MYH4: variants seen among roughly 807,000 people sequenced by gnomAD.
MYH4 encodes the protein myosin-4.
Under a neutral mutation model 229.9 loss-of-function variants are expected in MYH4, and 200 were observed. The ratio of observed to expected loss-of-function variants is 0.87; its 90% CI spans 0.78 to 0.98. MYH4 has a LOEUF of 0.98. Among genes scored for constraint, MYH4 ranks in the 50% least tolerant of loss-of-function variants. The pLI is 0.00. For missense variants in MYH4, 2,148 were observed against 2,332.6 expected, an observed-to-expected ratio of 0.92 and a Z score of 1.63; for synonymous variants, 761 against 834.6, an observed-to-expected ratio of 0.91 and a Z score of 1.52.
chr17:10,461,048 C>T lies in MYH4; in HGVS notation c.1015G>A (p.Val339Met). Residue 339 changes from valine (V) to methionine (M), a missense_variant, in exon 12 of 40, where the codon GTG becomes ATG. Physicochemically the swap from Val to Met is conservative, Grantham distance 21 (BLOSUM62 1). Transcript: ENST00000255381. ...QEELMATDSA[V>M]DILGFTADEK... ...TCAGCAGTGAAACCCAGGATGTCCA[C>T]AGCACTCTGTCAAAAGAGTTGAATT... 26 of 1,614,062 alleles carry T rather than the reference C, an allele frequency of 1.6e-5. No homozygotes were observed. The highest frequency in any genetic ancestry group is 2.2e-5 in the Non-Finnish European group (26 of 1,179,958).
chr17:10,456,080 T>C (rs2072635612), intron 17 of MYH4, among the ~76,000 whole-genome samples, 179 bp from the exon 18 acceptor site: 2 of 152,152 alleles, frequency 1.3e-5, no homozygotes, highest in African/African-American at 4.8e-5. Context: ...TTACACAAAA[T>C]CAGTTAATTT....
In MYH4 at chr17:10,448,491, C is replaced by A; in HGVS notation, c.4561G>T (p.Ala1521Ser). Residue 1521 changes from alanine to serine, a missense_variant, in exon 33 of 40, where the codon GCA becomes TCA. Coordinates refer to ENST00000255381, the MANE Select transcript of MYH4 (RefSeq NM_017533.2). ...TCATGGATATGCTTTCCACCCTCTG[C>A]AATTTGCTCTGTCAGGTCAGAAATC... ...QEISDLTEQI[A>S]EGGKHIHELE... is the part of the protein sequence containing the mutation. The A allele has an allele frequency of 6.2e-7, 1 of 1,613,972 alleles. No individual in the cohort carries two copies. The highest frequency in any genetic ancestry group is 1.1e-5 in the South Asian group (1 of 91,040).
chr17:10,450,896 C>A lies in MYH4; in HGVS notation c.3866-1G>T. The A allele has an allele frequency of 6.2e-7, 1 of 1,604,286 alleles. No individual in the cohort carries two copies. The highest frequency in any genetic ancestry group is 8.5e-7 in the Non-Finnish European group (1 of 1,171,368). On this transcript the variant is annotated splice_acceptor_variant, in intron 28 of 39. Transcript: ENST00000255381. LOFTEE classifies it high-confidence loss of function. ...TCATCTAGCTGTCGTGAAAACTCAC[C>A]TGTGGAAGACAAAACATCAATGATT... is the stretch of plus-strand genomic sequence containing the variant.
chr17:10,450,684 T>C, intron 29 of MYH4, 35 bp from the exon 30 acceptor site: 2 of 1,612,074 alleles, frequency 1.2e-6, no homozygotes, highest in Non-Finnish European at 1.7e-6. Flanking sequence ...TATAAGTTTA[T>C]CTTCTGATCA....
At chr17:10,459,533 C>A (rs953462198) in intron 14 of MYH4, 112 bp from the exon 15 acceptor site, 16 of 1,541,882 alleles carry the variant, frequency 1.0e-5, no homozygotes, top group African/African-American at 2.8e-5. Flanking sequence ...AAATTATAAA[C>A]CTTCAGATTG....
Position 10,449,004 on chromosome 17 carries a change from C to T in MYH4, c.4225G>A (p.Glu1409Lys), listed in dbSNP as rs747413354. 182 of 1,614,040 alleles carry T rather than the reference C, an allele frequency of 1.1e-4. No individual in the cohort carries two copies. The highest frequency in any genetic ancestry group is 1.4e-4 in the Non-Finnish European group (171 of 1,180,026). ...QRLQDAEEHVEAVNSKCASLE... is the reference protein window; with the variant it reads ...QRLQDAEEHVKAVNSKCASLE... The stretch of plus-strand genomic sequence containing the variant: ...GAAGCACATTTGGAATTCACAGCTT[C>T]TACATGTTCTTCTGCATCCTGCAGA... The change falls in exon 31 of 40, where the codon GAA becomes AAA. Residue 1409 changes from glutamate to lysine, a missense_variant. Transcript: ENST00000255381.
chr17:10,447,971 T>G lies in MYH4; in HGVS notation c.4812A>C (p.Thr1604=). 4 of 1,614,068 alleles carry G rather than the reference T, an allele frequency of 2.5e-6. No homozygotes were observed. Among genetic ancestry groups the G allele is most frequent in the Non-Finnish European group, 3.4e-6 (4 of 1,179,992 alleles). ...HLRVVESMQS[T]LDAEIRSRND... ...TTCTGCTCCTGATCTCAGCATCCAG[T>G]GTACTCTGCATTGACTCCACAACTC... The change falls in exon 34 of 40, where the codon ACA becomes ACC. Residue 1604 remains threonine, a synonymous_variant. Transcript: ENST00000255381.
chr17:10,459,898 A>G, intron 14 of MYH4, 54 bp downstream of exon 14: 2 of 1,611,816 alleles, frequency 1.2e-6, no homozygotes, highest in Non-Finnish European at 1.7e-6. Context: ...GTGATTTTGT[A>G]TGCTCTAACA....
chr17:10,450,842 G>C lies in MYH4; in HGVS notation c.3919C>G (p.Arg1307Gly). ...EKDAMVSQLS[R>G]GKQAFTQQIE... ...TGTTGTGTAAATGCTTGTTTGCCTC[G>C]GGATAGCTGAGAAACCATAGCATCT... The change falls in exon 29 of 40, where the codon CGA (arginine) becomes GGA (glycine). Residue 1307 changes from arginine to glycine, a missense_variant. Transcript: ENST00000255381. 1.2e-6 allele frequency: 2 copies of C among 1,614,034 alleles called. No homozygotes were observed. The highest frequency in any genetic ancestry group is 1.7e-6 in the Non-Finnish European group (2 of 1,179,996).
At chr17:10,445,452 T>C in intron 35 of MYH4, 90 bp from the exon 36 acceptor site, 1 of 1,504,320 alleles carries the variant, frequency 6.6e-7, no homozygotes, top group Non-Finnish European at 9.0e-7. Context: ...GCAAAAATTA[T>C]TGATCATAAG....
At chr17:10,467,916 A>T (rs2072784748) in intron 2 of MYH4, among the ~76,000 whole-genome samples, 1 of 152,264 alleles carries the variant, frequency 6.6e-6, no homozygotes, top group Non-Finnish European at 1.5e-5. Context: ...TGACAATGAC[A>T]GCAATGATGG....
In MYH4 at chr17:10,449,025, G is replaced by A. The variant is rs756927703; in HGVS notation, c.4204C>T (p.Gln1402Ter). 4 of 1,614,078 alleles carry A rather than the reference G, an allele frequency of 2.5e-6. No individual in the cohort carries two copies. Among genetic ancestry groups the A allele is most frequent in the Non-Finnish European group, 3.4e-6 (4 of 1,179,986 alleles). ...EAKKKLAQRL[Q>*]DAEEHVEAVN... ...GCTTCTACATGTTCTTCTGCATCCT[G>A]CAGACGCTGGGCTAGCTTCTTCCTG... Residue 1402 changes from glutamine (Q) to a stop codon, truncating the protein, a stop_gained, in exon 31 of 40, where the codon CAG (glutamine) becomes TAG (stop). Transcript: ENST00000255381. LOFTEE classifies it high-confidence loss of function.
In MYH4 at chr17:10,466,539, C is replaced by T. The variant is rs182569703; in HGVS notation, c.204+3G>A. 1.8e-3 allele frequency: 2,843 copies of T among 1,613,996 alleles called. 7 individuals carry two copies. Among genetic ancestry groups the T allele is most frequent in the Non-Finnish European group, 2.1e-3 (2,457 of 1,180,042 alleles). ...CTAATTAGCTCCAGGTGTTTTTACT[C>T]ACAGCTCCAGCTTCGGTCTTGGCTG... On this transcript the variant is annotated splice_donor_region_variant and intron_variant, in intron 3 of 39. Transcript: ENST00000255381.
chr17:10,444,746 T>C, intron 38 of MYH4, 47 bp from the exon 39 acceptor site: 4 of 1,612,618 alleles, frequency 2.5e-6, no homozygotes, highest in Non-Finnish European at 3.4e-6. Flanking sequence ...AAACAACTCA[T>C]GATTTTCTTG....
chr17:10,453,268 C>G lies in MYH4; in HGVS notation c.2995G>C (p.Glu999Gln). 2 of 1,614,002 alleles carry G rather than the reference C, an allele frequency of 1.2e-6. No individual in the cohort carries two copies. The highest frequency in any genetic ancestry group is 1.7e-6 in the Non-Finnish European group (2 of 1,180,010). The change falls in exon 24 of 40, where the codon GAG becomes CAG. Residue 999 changes from glutamate to glutamine, a missense_variant. Transcript: ENST00000255381. ...TGGGCCTCCTGGAGAGCCTTCTTCT[C>G]CTTGGTCAGCTTAGCAATGGTTTCA... is the stretch of plus-strand genomic sequence containing the variant. ...LDETIAKLTK[E>Q]KKALQEAHQQ...
chr17:10,449,415 G>T (rs2072548196), intron 30 of MYH4, among the ~76,000 whole-genome samples: 1 of 152,146 alleles, frequency 6.6e-6, no homozygotes, highest in Non-Finnish European at 1.5e-5. Flanking sequence ...TTTGCCTGGG[G>T]TGAGAAGTAG....
chr17:10,448,443 G>T lies in MYH4; in HGVS notation c.4609C>A (p.Leu1537Ile). The T allele has an allele frequency of 6.2e-7, 1 of 1,613,940 alleles. No individual in the cohort carries two copies. The highest frequency in any genetic ancestry group is 8.5e-7 in the Non-Finnish European group (1 of 1,179,934). Residue 1537 changes from leucine to isoleucine, a missense_variant, in exon 33 of 40, where the codon CTT becomes ATT. Coordinates refer to ENST00000255381, the MANE Select transcript of MYH4 (RefSeq NM_017533.2). ...TGTAGTTCACTCTTCTCATGATCAA[G>T]TTGTTTCTTTACTTTCTCCAGTTCA... is the stretch of plus-strand genomic sequence containing the variant. ...IHELEKVKKQLDHEKSELQTS... is the reference protein window; with the variant it reads ...IHELEKVKKQIDHEKSELQTS...
At chr17:10,455,995 A>G in intron 17 of MYH4, 94 bp from the exon 18 acceptor site, 2 of 1,484,586 alleles carry the variant, frequency 1.3e-6, no homozygotes, top group Non-Finnish European at 1.9e-6. Context: ...CATTTTAATG[A>G]GCTGTCTCAA....
intron 35 of MYH4, among the ~76,000 whole-genome samples, chr17:10,445,922 G>C (rs2072507272): frequency 1.3e-5 from 2 of 150,968 alleles, no homozygotes. Flanking sequence ...CAGCTACTCG[G>C]GAGGCTGAGG....
Sources: gnomAD v4.1 joint callset for allele counts (sites outside exome capture counted in the v4.1 genomes callset) on GRCh38, gnomAD v4.1.1 for gene constraint, MANE v1.5 for transcripts, NCBI Gene and HGNC (gene_info 2026-07-23, HGNC 2026-07-21) for gene names.